Variants in PTPRG observed in about 807,000 individuals in gnomAD.
PTPRG encodes the protein receptor-type tyrosine-protein phosphatase gamma.
In PTPRG, 102 loss-of-function variants were observed where a neutral mutation model predicts 165.3. The ratio of observed to expected loss-of-function variants is 0.62; its 90% CI spans 0.53 to 0.73. PTPRG has a LOEUF of 0.73. Among genes scored for constraint, PTPRG ranks in the 30% least tolerant of loss-of-function variants. The pLI, the probability that PTPRG is intolerant of heterozygous loss-of-function variation, is 0.00. For missense variants in PTPRG, 1,866 were observed against 1,861.4 expected, an observed-to-expected ratio of 1.00 and a Z score of -0.05; for synonymous variants, 675 against 669.5, an observed-to-expected ratio of 1.01 and a Z score of -0.13.
At chr3:62,117,536 A>G (rs1702909954) in intron 5 of PTPRG, among the ~76,000 whole-genome samples, 1 of 152,118 alleles carries the variant, frequency 6.6e-6, no homozygotes, top group Non-Finnish European at 1.5e-5. Context: ...TGTGCCATAA[A>G]ACTTGTGCAG....
chr3:61,971,716 T>C (rs940826703), intron 2 of PTPRG, among the ~76,000 whole-genome samples: 1 of 152,264 alleles, frequency 6.6e-6, no homozygotes, highest in Admixed American at 6.5e-5. Flanking sequence ...GGAAGTGTTC[T>C]GAAACTAGAT....
At chr3:62,085,840 C>T (rs17065951) in intron 5 of PTPRG, among the ~76,000 whole-genome samples, 5,619 of 152,222 alleles carry the variant, frequency 0.037, 113 homozygotes, top group East Asian at 0.08. Context: ...TGCCATGCTC[C>T]ATGGAAATCA....
At chr3:61,643,839 T>C (rs557240344) in intron 1 of PTPRG, among the ~76,000 whole-genome samples, 1 of 152,182 alleles carries the variant, frequency 6.6e-6, no homozygotes, top group African/African-American at 2.4e-5. Context: ...GCTTATTGAA[T>C]GGTCAGTTTG....
chr3:61,997,365 A>G (rs145841107), intron 3 of PTPRG, among the ~76,000 whole-genome samples: 145 of 151,946 alleles, frequency 9.5e-4, no homozygotes, highest in Admixed American at 3.3e-3. Flanking sequence ...AGGACTTCCC[A>G]TTTCTCTTGG....
intron 5 of PTPRG, among the ~76,000 whole-genome samples, chr3:62,092,459 AG>A (rs560265134): frequency 0.049 from 6,143 of 124,308 alleles, 430 homozygotes; most frequent in African/African-American, 0.17. Flanking sequence ...AAAAAAAAAA[AG>A]AAAAAGACAA....
chr3:61,910,135 AGTCTGTTCACAT>A (rs1199540793), intron 2 of PTPRG, among the ~76,000 whole-genome samples: 2 of 152,198 alleles, frequency 1.3e-5, no homozygotes, highest in African/African-American at 4.8e-5. Flanking sequence ...CAATTTTCAA[AGTCTGTTCACAT>A]GCCTTACGTA....
intron 4 of PTPRG, among the ~76,000 whole-genome samples, chr3:62,027,224 G>C (rs1004325359): frequency 2.6e-5 from 4 of 152,142 alleles, no homozygotes; most frequent in Non-Finnish European, 5.9e-5. Flanking sequence ...CTAACTGATA[G>C]TGTGGAGAAG....
intron 17 of PTPRG, chr3:62,264,161 A>C (rs1218842959): frequency 1.3e-5 from 2 of 151,868 alleles, no homozygotes. Context: ...AAAAAAAAAA[A>C]TTCTGAAGTT....
chr3:61,610,838 C>A (rs1559523262), intron 1 of PTPRG, among the ~76,000 whole-genome samples: 1 of 124,082 alleles, frequency 8.1e-6, no homozygotes, highest in African/African-American at 3.0e-5. Flanking sequence ...TTTCTTTCTT[C>A]TCCTGTTGCC....
At chr3:62,148,114 C>G (rs989065800) in intron 6 of PTPRG, among the ~76,000 whole-genome samples, 15 of 152,210 alleles carry the variant, frequency 9.9e-5, no homozygotes, top group African/African-American at 3.6e-4. Flanking sequence ...CCACTGCACT[C>G]CAGCCTGGGT....
intron 6 of PTPRG, among the ~76,000 whole-genome samples, chr3:62,139,805 C>G (rs1175631450): frequency 6.6e-6 from 1 of 152,218 alleles, no homozygotes; most frequent in Non-Finnish European, 1.5e-5. Context: ...CTGGGACACC[C>G]ATCATCTCCT....
intron 1 of PTPRG, among the ~76,000 whole-genome samples, chr3:61,682,471 G>A (rs1163700626): frequency 6.6e-6 from 1 of 152,158 alleles, no homozygotes; most frequent in Non-Finnish European, 1.5e-5. Flanking sequence ...TTGTTGTAAA[G>A]TTAAACATAA....
At chr3:61,883,952 G>A (rs1052562927) in intron 2 of PTPRG, among the ~76,000 whole-genome samples, 2 of 152,176 alleles carry the variant, frequency 1.3e-5, no homozygotes, top group Non-Finnish European at 2.9e-5. Flanking sequence ...CTGGCCTCAA[G>A]CAATCCTGCC....
At chr3:61,878,312 A>G (rs2037798170) in intron 2 of PTPRG, among the ~76,000 whole-genome samples, 1 of 152,154 alleles carries the variant, frequency 6.6e-6, no homozygotes, top group Non-Finnish European at 1.5e-5. Context: ...GGAAGGATTT[A>G]TATGAGCTGG....
chr3:61,715,445 C>T (rs185335661), intron 1 of PTPRG, among the ~76,000 whole-genome samples: 13 of 152,214 alleles, frequency 8.5e-5, no homozygotes, highest in Admixed American at 2.6e-4. Flanking sequence ...TCTTGAACTC[C>T]TGGGCTCAAG....
At chr3:61,696,041 A>G (rs2030567671) in intron 1 of PTPRG, among the ~76,000 whole-genome samples, 1 of 152,146 alleles carries the variant, frequency 6.6e-6, no homozygotes, top group Non-Finnish European at 1.5e-5. Flanking sequence ...GCTGATTGGG[A>G]TGTAACTACA....
intron 2 of PTPRG, among the ~76,000 whole-genome samples, chr3:61,895,985 A>G (rs2038346178): frequency 6.6e-6 from 1 of 152,200 alleles, no homozygotes; most frequent in Non-Finnish European, 1.5e-5. Flanking sequence ...AAACTATGGT[A>G]TATCACAGGA....
intron 1 of PTPRG, among the ~76,000 whole-genome samples, chr3:61,747,883 T>G (rs1011074097): frequency 6.6e-5 from 10 of 152,260 alleles, no homozygotes; most frequent in Middle Eastern, 3.4e-3. Context: ...TGCGTGTAAT[T>G]CCGTTTCATT....
At chr3:62,226,213 G>T (rs1338079410) in intron 13 of PTPRG, among the ~76,000 whole-genome samples, 1 of 152,226 alleles carries the variant, frequency 6.6e-6, no homozygotes, top group Non-Finnish European at 1.5e-5. Context: ...TCCAGAGGAG[G>T]AGTAGCATGC....
Sources: gnomAD v4.1 joint callset for allele counts (sites outside exome capture counted in the v4.1 genomes callset) on GRCh38, gnomAD v4.1.1 for gene constraint, MANE v1.5 for transcripts, NCBI Gene and HGNC (gene_info 2026-07-23, HGNC 2026-07-21) for gene names.